Variants in HOGA1 observed in about 807,000 individuals in gnomAD.
HOGA1 encodes 4-hydroxy-2-oxoglutarate aldolase 1.
In HOGA1, 30 loss-of-function variants were observed where a neutral mutation model predicts 34.3. The observed-to-expected ratio is 0.87, with a 90% CI of 0.65 to 1.19. The LOEUF (loss-of-function observed/expected upper bound fraction) is 1.19. Ranked by LOEUF, HOGA1 falls within the 50% of genes most tolerant of loss-of-function variation. The probability of loss-of-function intolerance (pLI) is 0.00; values close to 1 mark genes in which losing one functional copy is unlikely to be tolerated. For missense variants in HOGA1, 417 were observed against 436.5 expected, an observed-to-expected ratio of 0.96 and a Z score of 0.40; for synonymous variants, 161 against 174.0, an observed-to-expected ratio of 0.93 and a Z score of 0.59.
intron 1 of HOGA1, chr10:97,589,939 T>A (rs933387763): frequency 6.2e-7 from 1 of 1,613,848 alleles, no homozygotes; most frequent in Admixed American, 1.7e-5. Flanking sequence ...AGGAAACCTC[T>A]GAGTGTCCAT....
chr10:97,588,926 C>T (rs1191019049), intron 1 of HOGA1, among the ~76,000 whole-genome samples: 3 of 152,022 alleles, frequency 2.0e-5, no homozygotes, highest in African/African-American at 7.2e-5. Flanking sequence ...CCCTGAGAGG[C>T]CTTGGAGATT....
At position 97,599,792 on chromosome 10, in the gene HOGA1, G is replaced by C. The variant is rs1589908397; in HGVS notation, c.581G>C (p.Gly194Ala). ...CTTTCCCAGCACCCGAATATTGTGG[G>C]CATGAAGGACAGCGGTGGTGATGTG... ...VTLSQHPNIV[G>A]MKDSGGDVTR... Residue 194 changes from glycine (G) to alanine (A), a missense_variant, in exon 4 of 7, where the codon GGC becomes GCC. Physicochemically the swap from Gly to Ala is moderately conservative, Grantham distance 60 (BLOSUM62 0). Transcript: ENST00000370646. 1 of 1,614,240 alleles carries C rather than the reference G, an allele frequency of 6.2e-7. No homozygotes were observed.
chr10:97,599,268 A>G, intron 3 of HOGA1, 52 bp downstream of exon 3: 1 of 1,609,924 alleles, frequency 6.2e-7, no homozygotes, highest in South Asian at 1.1e-5. Context: ...GAGAGGAGAT[A>G]AGGGAAGCTG....
At chr10:97,589,165 C>T (rs1269182883) in intron 1 of HOGA1, among the ~76,000 whole-genome samples, 2 of 152,116 alleles carry the variant, frequency 1.3e-5, no homozygotes, top group Admixed American at 1.3e-4. Flanking sequence ...CACCCTCAGC[C>T]CATTGTGACC....
chr10:97,611,951 C>T lies in HOGA1; in HGVS notation c.*292C>T, dbSNP rs771988623. ...TTCTACTGTGGATGCTTTCCTACGCCCTGAGGCACATGAAGTCAGAAAGGA... is the reference window on the plus strand; with the variant it reads ...TTCTACTGTGGATGCTTTCCTACGCTCTGAGGCACATGAAGTCAGAAAGGA... On this transcript the variant is annotated 3_prime_UTR_variant, in exon 7 of 7. Coordinates refer to ENST00000370646, the MANE Select transcript of HOGA1 (RefSeq NM_138413.4). The T allele has an allele frequency of 4.7e-4, 204 of 431,290 alleles. No homozygotes were observed. The highest frequency in any genetic ancestry group is 8.2e-4 in the Non-Finnish European group (195 of 238,566). 26.7% of individuals were successfully genotyped at this position (431,290 alleles called of 1,614,324 possible).
At chr10:97,597,719 G>T (rs1483124405) in intron 1 of HOGA1, among the ~76,000 whole-genome samples, 1 of 152,104 alleles carries the variant, frequency 6.6e-6, no homozygotes. Context: ...ACTTCTGGAG[G>T]CTAAGGTGGG....
chr10:97,599,947 C>T, intron 4 of HOGA1, 120 bp from the exon 5 acceptor site: 1 of 1,510,730 alleles, frequency 6.6e-7, no homozygotes, highest in Non-Finnish European at 9.2e-7. Flanking sequence ...CGTGCGGGCT[C>T]TCTGGGACTT....
chr10:97,607,717 C>CT (rs2041167649), intron 6 of HOGA1, among the ~76,000 whole-genome samples: 2 of 152,070 alleles, frequency 1.3e-5, no homozygotes, highest in African/African-American at 2.4e-5. Context: ...ACGTCCAGAG[C>CT]TTTTAGTTGT....
At chr10:97,585,166 C>A (rs888597751) in intron 1 of HOGA1, among the ~76,000 whole-genome samples, 2 of 152,158 alleles carry the variant, frequency 1.3e-5, no homozygotes, top group African/African-American at 4.8e-5. Context: ...TGTTAAAGTG[C>A]CTTTGTAGCT....
chr10:97,592,604 TAAAAA>T (rs1046830522), intron 1 of HOGA1, among the ~76,000 whole-genome samples: 6 of 151,300 alleles, frequency 4.0e-5, no homozygotes, highest in African/African-American at 1.2e-4. Context: ...TATTTCAAGT[TAAAAA>T]AAAAGTTTTC....
intron 6 of HOGA1, among the ~76,000 whole-genome samples, chr10:97,611,010 G>C (rs1205855921): frequency 6.6e-6 from 1 of 152,176 alleles, no homozygotes; most frequent in African/African-American, 2.4e-5. Context: ...AGACCATTTA[G>C]TGTTAGGGTC....
At chr10:97,600,501 C>G (rs1388590300) in intron 5 of HOGA1, 11 of 402,358 alleles carry the variant, frequency 2.7e-5, no homozygotes, top group South Asian at 2.5e-4. Context: ...GGCAGAGGCC[C>G]TGGGGCCCTC....
At position 97,584,783 on chromosome 10, in the gene HOGA1, C is replaced by T. The variant is rs767786474; in HGVS notation, c.80C>T (p.Ser27Leu). The T allele has an allele frequency of 1.4e-5, 22 of 1,613,764 alleles. No individual in the cohort carries two copies. In the Admixed American group the frequency reaches 1.8e-4, roughly 13 times the overall value. The change falls in exon 1 of 7, where the codon TCA becomes TTA. Residue 27 changes from serine (S) to leucine (L), a missense_variant. Coordinates refer to ENST00000370646, the MANE Select transcript of HOGA1 (RefSeq NM_138413.4). ...TCCAGGAATGTGGGGGTCTGGGCCT[C>T]AGGGGAGGGGAAGAAGGTGGACATT... ...SLSRNVGVWA[S>L]GEGKKVDIAG...
chr10:97,610,600 C>T lies in HOGA1; in HGVS notation c.835-910C>T, dbSNP rs896599556. ...AGGAGTTTGAGACCAGCCTGGCCAA[C>T]ATGGCGAAGCCCTGTCTCTACTAAA... On this transcript the variant is annotated intron_variant, in intron 6 of 6. Transcript: ENST00000370646. Among the ~76,000 whole-genome samples the T allele has an allele frequency of 3.3e-5, 5 of 152,200 alleles. No individual in the cohort carries two copies. The South Asian group carries it at 1.0e-3, about 31-fold the overall frequency.
At chr10:97,611,367 A>C in intron 6 of HOGA1, 143 bp from the exon 7 acceptor site, 1 of 858,702 alleles carries the variant, frequency 1.2e-6, no homozygotes, top group South Asian at 1.6e-5. Flanking sequence ...TTCCCAATGT[A>C]CCCTGGGTGC....
At chr10:97,588,223 A>T (rs532894252) in intron 1 of HOGA1, among the ~76,000 whole-genome samples, 141 of 102,276 alleles carry the variant, frequency 1.4e-3, no homozygotes, top group Non-Finnish European at 2.3e-3. Context: ...TTTGTGATGG[A>T]GTCTTGCTCT....
chr10:97,602,328 G>T, intron 6 of HOGA1: 1 of 1,244,118 alleles, frequency 8.0e-7, no homozygotes. Context: ...GATGCCTGGA[G>T]AGAAAGAGTG....
intron 6 of HOGA1, among the ~76,000 whole-genome samples, chr10:97,608,304 C>G (rs1162960255): frequency 6.6e-6 from 1 of 151,798 alleles, no homozygotes; most frequent in African/African-American, 2.4e-5. Context: ...GAGCAAGACC[C>G]TGTCTCAAAA....
intron 1 of HOGA1, among the ~76,000 whole-genome samples, chr10:97,587,102 G>T (rs1260251423): frequency 6.6e-6 from 1 of 152,082 alleles, no homozygotes; most frequent in Admixed American, 6.5e-5. Flanking sequence ...AGAGATAGAG[G>T]GTCCCTTCCC....
Sources: allele counts gnomAD v4.1 joint callset (sites outside exome capture counted in the v4.1 genomes callset), GRCh38; gene constraint gnomAD v4.1.1; transcripts MANE v1.5; gene names NCBI Gene and HGNC (gene_info 2026-07-23, HGNC 2026-07-21).